Variants in ARFGEF1 observed in about 807,000 individuals in gnomAD.
The protein encoded by ARFGEF1 is brefeldin A-inhibited guanine nucleotide-exchange protein 1.
In ARFGEF1, 42 loss-of-function variants were observed where a neutral mutation model predicts 231.0. That is an observed-to-expected ratio of 0.18 (90% confidence interval 0.14 to 0.24). The LOEUF (loss-of-function observed/expected upper bound fraction) is 0.24, where lower values mean the gene tolerates loss of function less well. Ranked by LOEUF, ARFGEF1 falls within the 10% of genes least tolerant of loss-of-function variation. The pLI is 1.00. For synonymous variants in ARFGEF1, 710 were observed against 732.3 expected (o/e 0.97, Z 0.49); for missense variants, 1,345 against 2,192.0 (o/e 0.61, Z 7.72).
intron 5 of ARFGEF1, among the ~76,000 whole-genome samples, chr8:67,293,466 CA>C (rs1476154184): frequency 1.3e-5 from 2 of 151,978 alleles, no homozygotes; most frequent in African/African-American, 2.4e-5. Context: ...AAAAAAGCAG[CA>C]AAACCACTGT....
At position 67,304,676 on chromosome 8, in the gene ARFGEF1, G is replaced by A. The variant is rs377696992; in HGVS notation, c.125-2210C>T. ...ACCCCATGAAATACAAATATTAGCC[G>A]GGCATGGCGGTGCATGCCTGTAGTC... is the stretch of plus-strand genomic sequence containing the variant. On this transcript the variant is annotated intron_variant, in intron 1 of 38. Coordinates refer to ENST00000262215, the MANE Select transcript of ARFGEF1 (RefSeq NM_006421.5). Among the ~76,000 whole-genome samples the A allele has an allele frequency of 5.3e-5, 8 of 152,274 alleles. No homozygotes were observed. In the South Asian group the frequency reaches 1.0e-3, roughly 20 times the overall value.
chr8:67,280,045 C>G (rs1373100390), intron 7 of ARFGEF1, among the ~76,000 whole-genome samples: 2 of 151,932 alleles, frequency 1.3e-5, no homozygotes, highest in African/African-American at 4.8e-5. Flanking sequence ...AACTAAGGAG[C>G]ATATCACTGG....
chr8:67,312,496 T>TA lies in ARFGEF1; in HGVS notation c.125-10031dup, dbSNP rs916895682. Among the ~76,000 whole-genome samples the TA allele has an allele frequency of 4.6e-4, 70 of 151,830 alleles. 1 individual carries two copies. In the East Asian group the frequency reaches 0.012, roughly 27 times the overall value. Reference sequence around the variant, plus strand: ...GTGAAAAATCCTAAAGGAATAAAGGTAAAATCAAGATCTTCTCAGATGAAG... The same window carrying TA: ...GTGAAAAATCCTAAAGGAATAAAGGTAAAAATCAAGATCTTCTCAGATGAAG... On this transcript the variant is annotated intron_variant, in intron 1 of 38. Coordinates refer to ENST00000262215, the MANE Select transcript of ARFGEF1 (RefSeq NM_006421.5).
intron 37 of ARFGEF1, 109 bp from the exon 38 acceptor site, chr8:67,200,622 C>T: frequency 1.4e-6 from 1 of 694,796 alleles, no homozygotes; most frequent in South Asian, 1.8e-5. Context: ...TATTCAAGAA[C>T]ATGTTAGATC....
At chr8:67,321,580 C>G (rs1807596179) in intron 1 of ARFGEF1, among the ~76,000 whole-genome samples, 1 of 152,166 alleles carries the variant, frequency 6.6e-6, no homozygotes, top group Non-Finnish European at 1.5e-5. Context: ...CCTGCCTCAG[C>G]CTCCCGAGTA....
At chr8:67,239,851 T>C (rs571366472) in intron 20 of ARFGEF1, among the ~76,000 whole-genome samples, 1 of 152,280 alleles carries the variant, frequency 6.6e-6, no homozygotes, top group African/African-American at 2.4e-5. Flanking sequence ...CAACAAGATA[T>C]TTTATTCGTT....
At chr8:67,310,046 C>T (rs114676607) in intron 1 of ARFGEF1, among the ~76,000 whole-genome samples, 2,463 of 152,222 alleles carry the variant, frequency 0.016, 70 homozygotes, top group African/African-American at 0.057. Context: ...CTGAGCAAAC[C>T]CAAACAGGAT....
intron 1 of ARFGEF1, among the ~76,000 whole-genome samples, chr8:67,316,464 A>ATT (rs939191717): frequency 6.8e-6 from 1 of 146,342 alleles, no homozygotes. Context: ...CTGTTGTATA[A>ATT]TTTTTTTTTT....
Position 67,267,452 on chromosome 8 carries a change from G to C in ARFGEF1, c.1573-10C>G. 6.7e-7 allele frequency: 1 copy of C among 1,500,266 alleles called. No individual in the cohort carries two copies. The highest frequency in any genetic ancestry group is 1.9e-4 in the Middle Eastern group (1 of 5,282). The allele number at this position is 1,500,266 out of a possible 1,614,324, so 92.9% of individuals were successfully genotyped here. A position where few individuals can be genotyped will look rare whatever the true frequency, so the allele number is the denominator to read the frequency against. On this transcript the variant is annotated splice_polypyrimidine_tract_variant and intron_variant, in intron 10 of 38. Transcript: ENST00000262215. ...TTTCTTTAAAGAACACCTGTGATTA[G>C]GAGAAAACTTCTGTTTAAAATATTG...
intron 5 of ARFGEF1, among the ~76,000 whole-genome samples, chr8:67,182,967 A>G (rs1186333864): frequency 6.6e-6 from 1 of 152,172 alleles, no homozygotes; most frequent in Non-Finnish European, 1.5e-5. Context: ...GATACATAGG[A>G]GCTTTTAATT....
In ARFGEF1 at chr8:67,266,979, C is replaced by T; in HGVS notation, c.1818G>A (p.Leu606=). Reference sequence around the variant, plus strand: ...ATTCTAAACCTTTTTTCCTCAGGCTCAATTCCTACAAAGTAATTCAAAAAC... The same window carrying T: ...ATTCTAAACCTTTTTTCCTCAGGCTTAATTCCTACAAAGTAATTCAAAAAC... ...QELGMSNVQE[L]SLRKKGLECL... Residue 606 remains leucine, a synonymous_variant, in exon 13 of 39, where the codon TTG becomes TTA. Coordinates refer to ENST00000262215, the MANE Select transcript of ARFGEF1 (RefSeq NM_006421.5). 1 of 1,612,910 alleles carries T rather than the reference C, an allele frequency of 6.2e-7. No individual in the cohort carries two copies. Among genetic ancestry groups the T allele is most frequent in the Non-Finnish European group, 8.5e-7 (1 of 1,179,520 alleles).
Position 67,245,654 on chromosome 8 carries a change from C to A in ARFGEF1, c.2851-5364G>T, listed in dbSNP as rs535511194. ...TAAATCAAACCATCAGAGACAATAACCTTCACTAAAAGGAAGACAGGAAAG... is the reference window on the plus strand; with the variant it reads ...TAAATCAAACCATCAGAGACAATAAACTTCACTAAAAGGAAGACAGGAAAG... On this transcript the variant is annotated intron_variant, in intron 19 of 38. Coordinates refer to ENST00000262215, the MANE Select transcript of ARFGEF1 (RefSeq NM_006421.5). Among the ~76,000 whole-genome samples, 43 of 149,764 alleles carry A rather than the reference C, an allele frequency of 2.9e-4. 1 individual carries two copies. The highest frequency in any genetic ancestry group is 1.1e-3 in the African/African-American group (43 of 40,122).
intron 7 of ARFGEF1, among the ~76,000 whole-genome samples, chr8:67,287,220 C>T (rs947213771): frequency 2.0e-5 from 3 of 152,172 alleles, no homozygotes; most frequent in African/African-American, 2.4e-5. Context: ...ATGCTGAACA[C>T]CAACCTTCCT....
intron 9 of ARFGEF1, among the ~76,000 whole-genome samples, chr8:67,274,563 C>T (rs1805234204): frequency 6.6e-6 from 1 of 151,958 alleles, no homozygotes; most frequent in South Asian, 2.1e-4. Context: ...TTTTCAAAAC[C>T]AGATCACTCT....
At chr8:67,233,093 T>C (rs1839605684) in intron 22 of ARFGEF1, 148 bp from the exon 23 acceptor site, 2 of 655,156 alleles carry the variant, frequency 3.1e-6, no homozygotes, top group South Asian at 2.0e-5. Flanking sequence ...ATCAGTGACA[T>C]GAACAAGGCC....
At chr8:67,343,108 C>A (rs1269056170) in intron 1 of ARFGEF1, 56 bp downstream of exon 1, 1 of 315,160 alleles carries the variant, frequency 3.2e-6, no homozygotes, top group South Asian at 2.9e-5. Context: ...CCCACAGGCG[C>A]CCCCCTCCCC....
intron 1 of ARFGEF1, among the ~76,000 whole-genome samples, chr8:67,327,387 G>A (rs1328956536): frequency 2.0e-5 from 3 of 148,506 alleles, no homozygotes; most frequent in Non-Finnish European, 3.0e-5. Flanking sequence ...GTGCGATCTC[G>A]GCTCACTGCA....
chr8:67,249,597 TC>T (rs1840212824), intron 19 of ARFGEF1, among the ~76,000 whole-genome samples: 2 of 150,314 alleles, frequency 1.3e-5, no homozygotes, highest in Non-Finnish European at 2.9e-5. Context: ...AGTGCAGAAC[TC>T]TCAGAGAGGG....
chr8:67,277,073 T>C (rs910814226), intron 8 of ARFGEF1, among the ~76,000 whole-genome samples: 1 of 152,004 alleles, frequency 6.6e-6, no homozygotes, highest in Non-Finnish European at 1.5e-5. Context: ...TACCTTAAAG[T>C]TGGAAATGTA....
Sources: allele counts gnomAD v4.1 joint callset (sites outside exome capture counted in the v4.1 genomes callset), GRCh38; gene constraint gnomAD v4.1.1; transcripts MANE v1.5; gene names NCBI Gene and HGNC (gene_info 2026-07-23, HGNC 2026-07-21).